Variants in CHD7 observed in about 807,000 individuals in gnomAD.
The protein encoded by CHD7 is chromodomain helicase DNA binding protein 7, also known as ATP-dependent chromatin remodeler CHD7.
A neutral mutation model predicts 307.3 loss-of-function variants in CHD7; 24 were observed. That is an observed-to-expected ratio of 0.08 (90% CI 0.06 to 0.11). CHD7 has a LOEUF of 0.11. Among genes scored for constraint, CHD7 ranks in the 10% least tolerant of loss-of-function variants. The pLI is 1.00. For synonymous variants in CHD7, 1,363 were observed against 1,349.9 expected (o/e 1.01, Z -0.21); for missense variants, 3,106 against 3,727.1 (o/e 0.83, Z 4.34).
At chr8:60,808,071 C>G in intron 6 of CHD7, 146 bp from the exon 7 acceptor site, 1 of 638,388 alleles carries the variant, frequency 1.6e-6, no homozygotes, top group Non-Finnish European at 2.7e-6. Context: ...TGGCCACCTC[C>G]CAGCACACGG....
At chr8:60,813,874 T>C (rs183467071) in intron 7 of CHD7, among the ~76,000 whole-genome samples, 250 of 151,814 alleles carry the variant, frequency 1.6e-3, no homozygotes, top group Non-Finnish European at 2.5e-3. Context: ...TTTGCACTGA[T>C]ATGGGTAAGG....
chr8:60,690,325 G>C (rs1806133157), intron 1 of CHD7, among the ~76,000 whole-genome samples: 2 of 152,068 alleles, frequency 1.3e-5, no homozygotes, highest in African/African-American at 4.8e-5. Context: ...CTGTTGACTA[G>C]CTTGAGTATG....
At chr8:60,828,913 C>A in intron 14 of CHD7, 107 bp downstream of exon 14, 1 of 974,514 alleles carries the variant, frequency 1.0e-6, no homozygotes, top group Non-Finnish European at 1.5e-6. Context: ...CAGTTTTTCC[C>A]ACCTAGTACA....
At chr8:60,837,967 T>C in intron 18 of CHD7, 109 bp from the exon 19 acceptor site, 3 of 1,253,748 alleles carry the variant, frequency 2.4e-6, no homozygotes, top group Non-Finnish European at 3.2e-6. Context: ...ACACTTTCCT[T>C]TGTTATAATT....
chr8:60,769,714 A>T (rs1273405008), intron 2 of CHD7, among the ~76,000 whole-genome samples: 1 of 152,200 alleles, frequency 6.6e-6, no homozygotes, highest in Non-Finnish European at 1.5e-5. Context: ...AATTTTTACT[A>T]GTCTCTTTCT....
rs1161443702 is a variant in CHD7 at position 60,742,964 on chromosome 8, T to C, written c.1532T>C (p.Leu511Ser). The change falls in exon 2 of 38, where the codon TTG becomes TCG. Residue 511 changes from leucine (L) to serine (S), a missense_variant. This residue lies in a region of CHD7 where 998 missense variants were observed against 1,004.5 expected (regional missense o/e 0.99). Transcript: ENST00000423902. ...GGTCAACAGCCATCTTTTCAGCAGTTGCCAACCTGTCCTCCACTGCAGCCT... is the reference window on the plus strand; with the variant it reads ...GGTCAACAGCCATCTTTTCAGCAGTCGCCAACCTGTCCTCCACTGCAGCCT... ...HPGQQPSFQQ[L>S]PTCPPLQPHP... 1 of 1,613,554 alleles carries C rather than the reference T, an allele frequency of 6.2e-7. No individual in the cohort carries two copies. Among genetic ancestry groups the C allele is most frequent in the South Asian group, 1.1e-5 (1 of 90,990 alleles).
intron 19 of CHD7, among the ~76,000 whole-genome samples, 162 bp downstream of exon 19, chr8:60,838,417 G>A (rs868051915): frequency 6.6e-6 from 1 of 152,140 alleles, no homozygotes; most frequent in Non-Finnish European, 1.5e-5. Flanking sequence ...TTATGCTTTG[G>A]TTTATCTTCT....
chr8:60,862,841 A>G (rs531183542), intron 37 of CHD7, 189 bp downstream of exon 37: 1 of 578,730 alleles, frequency 1.7e-6, no homozygotes, highest in African/African-American at 1.9e-5. Flanking sequence ...GAATTCATTT[A>G]TCAGCTCCAA....
At chr8:60,849,020 A>G (rs780507822) in intron 24 of CHD7, 31 bp from the exon 25 acceptor site, 1 of 1,516,662 alleles carries the variant, frequency 6.6e-7, no homozygotes, top group Non-Finnish European at 9.2e-7. Flanking sequence ...CTTTTTTAAT[A>G]CTAATATTTC....
chr8:60,787,505 T>C (rs770362447), intron 3 of CHD7, among the ~76,000 whole-genome samples: 11 of 152,222 alleles, frequency 7.2e-5, no homozygotes, highest in Non-Finnish European at 1.5e-4. Flanking sequence ...TAGTGTCTAA[T>C]TGGTTTAATT....
At chr8:60,789,410 AT>A (rs1328537832) in intron 3 of CHD7, among the ~76,000 whole-genome samples, 1 of 152,222 alleles carries the variant, frequency 6.6e-6, no homozygotes, top group African/African-American at 2.4e-5. Context: ...AACAAACCTG[AT>A]TAATTCTCAT....
At chr8:60,700,777 A>G (rs905471632) in intron 1 of CHD7, among the ~76,000 whole-genome samples, 1 of 152,198 alleles carries the variant, frequency 6.6e-6, no homozygotes, top group African/African-American at 2.4e-5. Context: ...ACTGTACCAT[A>G]GTATTTTGGG....
chr8:60,751,523 T>TA (rs1458348483), intron 2 of CHD7, among the ~76,000 whole-genome samples: 1 of 152,240 alleles, frequency 6.6e-6, no homozygotes, highest in Non-Finnish European at 1.5e-5. Flanking sequence ...TCTCTGTAGT[T>TA]ACAGCTGTAA....
rs1020281061 is a variant in CHD7, at chr8:60,822,700, G to C, written c.3155G>C (p.Ser1052Thr). 3.1e-6 allele frequency: 5 copies of C among 1,613,534 alleles called. No individual in the cohort carries two copies. The African/African-American group carries it at 6.7e-5, about 22-fold the overall frequency. Residue 1052 changes from serine to threonine, a missense_variant, in exon 12 of 38, where the codon AGT (serine) becomes ACT (threonine). Ser to Thr is a moderately conservative substitution (Grantham distance 58, BLOSUM62 1). Transcript: ENST00000423902. Reference protein sequence around the residue: ...NVVVYHGSQASRRTIQLYEMY... With the variant: ...NVVVYHGSQATRRTIQLYEMY... ...GTTGTGTATCATGGGAGTCAAGCTA[G>C]TCGTCGGACCATTCAGTTGTATGAA...
chr8:60,801,494 C>G, intron 5 of CHD7, 34 bp from the exon 6 acceptor site: 1 of 1,502,806 alleles, frequency 6.7e-7, no homozygotes, highest in Non-Finnish European at 9.1e-7. Flanking sequence ...GAGATGTTTT[C>G]TATTTGGATT....
In CHD7 at chr8:60,823,921, C is replaced by G; in HGVS notation, c.3283C>G (p.Arg1095Gly). 1 of 1,613,832 alleles carries G rather than the reference C, an allele frequency of 6.2e-7. No individual in the cohort carries two copies. Among genetic ancestry groups the G allele is most frequent in the Non-Finnish European group, 8.5e-7 (1 of 1,179,794 alleles). Residue 1095 changes from arginine to glycine, a missense_variant, in exon 13 of 38, where the codon CGG (arginine) becomes GGG (glycine). Transcript: ENST00000423902. ...GATTTTGACTGATTGTCCTGAGCTG[C>G]GGAATATTCCATGGCGCTGTGTAGT... The part of the protein sequence containing the change: ...EMILTDCPEL[R>G]NIPWRCVVID...
At chr8:60,816,525 C>A in intron 8 of CHD7, 24 bp downstream of exon 8, 2 of 1,283,110 alleles carry the variant, frequency 1.6e-6, no homozygotes, top group Non-Finnish European at 2.2e-6. Context: ...GCTTACTTTT[C>A]CAAAGTATTT....
rs73251122 is a variant in CHD7 at position 60,743,366 on chromosome 8, G to C, written c.1665+269G>C. On this transcript the variant is annotated intron_variant, in intron 2 of 37. Coordinates refer to ENST00000423902, the MANE Select transcript of CHD7 (RefSeq NM_017780.4). ...CACCGCTAGCAGGGAGATGGACAGAGGACTCAGAATGCTCACAAGACAAAC... is the reference window on the plus strand; with the variant it reads ...CACCGCTAGCAGGGAGATGGACAGACGACTCAGAATGCTCACAAGACAAAC... Among the ~76,000 whole-genome samples, 653 of 152,336 alleles carry C rather than the reference G, an allele frequency of 4.3e-3. 4 individuals are homozygous for C. Among genetic ancestry groups the C allele is most frequent in the African/African-American group, 0.015 (631 of 41,572 alleles).
At chr8:60,849,344 G>T (rs932744520) in intron 25 of CHD7, among the ~76,000 whole-genome samples, 190 bp downstream of exon 25, 6 of 152,166 alleles carry the variant, frequency 3.9e-5, no homozygotes, top group Non-Finnish European at 8.8e-5. Context: ...TTGAATGTTT[G>T]TTGAGCATTT....
Sources: gnomAD v4.1 joint callset for allele counts (sites outside exome capture counted in the v4.1 genomes callset) on GRCh38, gnomAD v4.1.1 for gene constraint, gnomAD v4.1.1 regional missense constraint, MANE v1.5 for transcripts, NCBI Gene and HGNC (gene_info 2026-07-23, HGNC 2026-07-21) for gene names.